OPCML: variants seen among roughly 807,000 people sequenced by gnomAD.
The protein encoded by OPCML is opioid binding protein/cell adhesion molecule like.
A neutral mutation model predicts 37.8 loss-of-function variants in OPCML; 13 were observed. The ratio of observed to expected loss-of-function variants is 0.34; its 90% CI spans 0.22 to 0.55. OPCML has a LOEUF of 0.55. Among genes scored for constraint, OPCML ranks in the 20% least tolerant of loss-of-function variants. OPCML has a pLI of 0.91. For synonymous variants in OPCML, 176 were observed against 168.8 expected (o/e 1.04, Z -0.33); for missense variants, 341 against 435.6 (o/e 0.78, Z 1.93).
chr11:133,182,844 C>T (rs779277466), intron 1 of OPCML, among the ~76,000 whole-genome samples: 2 of 152,064 alleles, frequency 1.3e-5, no homozygotes, highest in Non-Finnish European at 2.9e-5. Flanking sequence ...TGCTGAGAAC[C>T]GTCATAGATG....
chr11:133,199,151 G>A (rs1043020589), intron 1 of OPCML, among the ~76,000 whole-genome samples: 12 of 152,158 alleles, frequency 7.9e-5, no homozygotes, highest in East Asian at 3.9e-4. Flanking sequence ...CCTAGGTCTT[G>A]AGGGGTAGAA....
At chr11:132,423,614 A>G (rs564519155) in intron 7 of OPCML, among the ~76,000 whole-genome samples, 1 of 152,352 alleles carries the variant, frequency 6.6e-6, no homozygotes, top group South Asian at 2.1e-4. Flanking sequence ...GGAAATGAGG[A>G]AAAGAAAGTT....
intron 2 of OPCML, among the ~76,000 whole-genome samples, chr11:132,740,018 G>GA (rs1164286049): frequency 2.6e-5 from 4 of 152,084 alleles, no homozygotes; most frequent in South Asian, 2.1e-4. Context: ...GTGCAAAAAA[G>GA]AAAAAAATAT....
chr11:133,377,612 G>GGAAAAAAAAAAAAAAAAAAAAAAAAAA (rs1555148303), intron 1 of OPCML, among the ~76,000 whole-genome samples: 1 of 79,088 alleles, frequency 1.3e-5, no homozygotes, highest in East Asian at 4.5e-4. Flanking sequence ...CCAGTATTCA[G>GGAAAAAAAAAAAAAAAAAAAAAAAAAA]AAAAAAAAAA....
intron 1 of OPCML, among the ~76,000 whole-genome samples, chr11:133,355,639 C>G (rs1388802508): frequency 6.6e-6 from 1 of 152,176 alleles, no homozygotes. Flanking sequence ...ACCCTCAGCC[C>G]AGTGCCCTTC....
intron 4 of OPCML, among the ~76,000 whole-genome samples, chr11:132,469,832 T>TGG (rs139780717): frequency 5.9e-5 from 6 of 102,320 alleles, no homozygotes; most frequent in Admixed American, 1.4e-4. Context: ...TGTATGTGTG[T>TGG]GGGGGGCTGT....
chr11:133,244,826 C>G (rs140112443), intron 1 of OPCML, among the ~76,000 whole-genome samples: 1 of 152,132 alleles, frequency 6.6e-6, no homozygotes, highest in African/African-American at 2.4e-5. Context: ...AGCTGGGAGT[C>G]GATTAAACTT....
chr11:133,023,480 T>G (rs1455140392), intron 1 of OPCML, among the ~76,000 whole-genome samples: 1 of 152,190 alleles, frequency 6.6e-6, no homozygotes, highest in Non-Finnish European at 1.5e-5. Flanking sequence ...TCACCCTCAC[T>G]ATCCATCACC....
intron 1 of OPCML, among the ~76,000 whole-genome samples, chr11:133,531,821 A>C (rs1002182027): frequency 5.3e-5 from 8 of 152,202 alleles, no homozygotes; most frequent in Non-Finnish European, 1.2e-4. Context: ...GGACTGATTC[A>C]GAAACAGAGA....
At chr11:133,140,531 T>TAAGAATAAGAAGAAGAAGAAGAAGAAG (rs1949759458) in intron 1 of OPCML, among the ~76,000 whole-genome samples, 1 of 88,086 alleles carries the variant, frequency 1.1e-5, no homozygotes, top group Non-Finnish European at 2.2e-5. Context: ...ATAATAATAA[T>TAAGAATAAGAAGAAGAAGAAGAAGAAG]AAGAAGAAGA....
At chr11:133,527,119 C>T (rs957093421) in intron 1 of OPCML, among the ~76,000 whole-genome samples, 3 of 152,232 alleles carry the variant, frequency 2.0e-5, no homozygotes, top group African/African-American at 7.2e-5. Context: ...GGGTCCCTGT[C>T]CAGCGGACCA....
chr11:132,939,628 G>A (rs1215480706), intron 2 of OPCML, among the ~76,000 whole-genome samples: 1 of 152,176 alleles, frequency 6.6e-6, no homozygotes, highest in Non-Finnish European at 1.5e-5. Flanking sequence ...TGGACCCACA[G>A]AAGAACTCAA....
chr11:132,890,951 G>A (rs1457684804), intron 2 of OPCML, among the ~76,000 whole-genome samples: 1 of 151,528 alleles, frequency 6.6e-6, no homozygotes, highest in African/African-American at 2.4e-5. Flanking sequence ...GCTCAGCAAA[G>A]CACTAACACT....
rs190619849 is a variant in OPCML at position 133,396,873 on chromosome 11, C to A, written c.61+135391G>T. Among the ~76,000 whole-genome samples the A allele has an allele frequency of 3.2e-3, 493 of 152,256 alleles. 6 individuals are homozygous for A. The highest frequency in any genetic ancestry group is 3.3e-3 in the Non-Finnish European group (227 of 68,022). Reference sequence around the variant, plus strand: ...AAAGTGATCCCTTACCCTTCTGGGCCACTATCAAATATTTATTCCTACTTC... The same window carrying A: ...AAAGTGATCCCTTACCCTTCTGGGCAACTATCAAATATTTATTCCTACTTC... On this transcript the variant is annotated intron_variant, in intron 1 of 7. Coordinates refer to ENST00000524381, the MANE Select transcript of OPCML (RefSeq NM_001012393.5).
intron 1 of OPCML, chr11:133,007,722 G>C (rs1947138707): frequency 1.0e-6 from 1 of 985,326 alleles, no homozygotes; most frequent in African/African-American, 1.7e-5. Context: ...GTGTCTGATG[G>C]AAGCAGACCC....
intron 1 of OPCML, among the ~76,000 whole-genome samples, chr11:132,948,474 G>A (rs1005149406): frequency 1.3e-5 from 2 of 152,174 alleles, no homozygotes; most frequent in Non-Finnish European, 2.9e-5. Context: ...TCTAGGGCAA[G>A]GGCAATATTG....
At chr11:132,931,572 A>G (rs1945203257) in intron 2 of OPCML, among the ~76,000 whole-genome samples, 1 of 152,208 alleles carries the variant, frequency 6.6e-6, no homozygotes, top group Non-Finnish European at 1.5e-5. Context: ...ATCACTAATC[A>G]TTAGGGAAAT....
intron 2 of OPCML, among the ~76,000 whole-genome samples, chr11:132,669,053 G>A (rs977604279): frequency 2.6e-5 from 4 of 152,082 alleles, no homozygotes; most frequent in African/African-American, 7.2e-5. Flanking sequence ...CCTGTGGTTG[G>A]TGAAATGCTG....
At chr11:132,664,986 C>T (rs531794059) in intron 2 of OPCML, among the ~76,000 whole-genome samples, 2 of 152,172 alleles carry the variant, frequency 1.3e-5, no homozygotes, top group Non-Finnish European at 2.9e-5. Context: ...TCTGACATAA[C>T]ATGACATCTG....
Sources: allele counts gnomAD v4.1 joint callset (sites outside exome capture counted in the v4.1 genomes callset), GRCh38; gene constraint gnomAD v4.1.1; transcripts MANE v1.5; gene names NCBI Gene and HGNC (gene_info 2026-07-23, HGNC 2026-07-21).